PAK2: variants seen among roughly 807,000 people sequenced by gnomAD.
PAK2 encodes serine/threonine-protein kinase PAK 2.
A neutral mutation model predicts 65.9 loss-of-function variants in PAK2; 21 were observed. That is an observed-to-expected ratio of 0.32 (90% confidence interval 0.23 to 0.46). The LOEUF is 0.46. PAK2 is among the 20% of genes least tolerant of loss of function. The pLI is 1.00. For synonymous variants in PAK2, 204 were observed against 219.7 expected, an observed-to-expected ratio of 0.93 and a Z score of 0.63; for missense variants, 324 against 642.6, an observed-to-expected ratio of 0.50 and a Z score of 5.36.
chr3:196,792,468 C>G (rs1715103941), intron 2 of PAK2, among the ~76,000 whole-genome samples: 1 of 152,172 alleles, frequency 6.6e-6, no homozygotes, highest in Non-Finnish European at 1.5e-5. Flanking sequence ...TCCCTCTGCT[C>G]CTGTCCATAA....
intron 1 of PAK2, among the ~76,000 whole-genome samples, chr3:196,750,858 C>CT (rs1466533679): frequency 6.6e-5 from 10 of 150,912 alleles, no homozygotes; most frequent in African/African-American, 2.4e-4. Context: ...TTAATTGTTG[C>CT]TTTTTTTAAT....
At chr3:196,742,992 G>A (rs1713258038) in intron 1 of PAK2, among the ~76,000 whole-genome samples, 3 of 152,308 alleles carry the variant, frequency 2.0e-5, no homozygotes, top group South Asian at 4.1e-4. Flanking sequence ...CATCAGTTTG[G>A]TATAAGAGTT....
At chr3:196,762,559 G>GCT (rs1714016533) in intron 1 of PAK2, among the ~76,000 whole-genome samples, 1 of 150,330 alleles carries the variant, frequency 6.7e-6, no homozygotes, top group Non-Finnish European at 1.5e-5. Context: ...GGCGGCGCAT[G>GCT]CCTGCAATCG....
At chr3:196,787,552 C>A (rs1352024826) in intron 2 of PAK2, among the ~76,000 whole-genome samples, 1 of 149,300 alleles carries the variant, frequency 6.7e-6, no homozygotes, top group Non-Finnish European at 1.5e-5. Flanking sequence ...GCACTCCAGC[C>A]TGGGCGACAG....
At position 196,817,841 on chromosome 3, in the gene PAK2, A is replaced by T. The variant is rs564494332; in HGVS notation, c.1054-216A>T. 8.5e-4 allele frequency among the ~76,000 whole-genome samples: 130 copies of T among 152,246 alleles called. 1 individual carries two copies. Among genetic ancestry groups the T allele is most frequent in the African/African-American group, 3.1e-3 (127 of 41,550 alleles). On this transcript the variant is annotated intron_variant, in intron 11 of 14. Transcript: ENST00000327134. ...GTAGGAGCGGATCTACTGACTTTTT[A>T]AAAAATTTTATTTTCTTATATAAAA...
At chr3:196,799,496 AG>A (rs11328370) in intron 2 of PAK2, among the ~76,000 whole-genome samples, 2,347 of 152,148 alleles carry the variant, frequency 0.015, 64 homozygotes, top group African/African-American at 0.053. Flanking sequence ...TGTGGATGCG[AG>A]TTGCTTATAA....
intron 1 of PAK2, among the ~76,000 whole-genome samples, chr3:196,759,270 T>C (rs1395555224): frequency 6.6e-6 from 1 of 152,144 alleles, no homozygotes; most frequent in Non-Finnish European, 1.5e-5. Context: ...CTTTTTGCAT[T>C]GCCCTGGGAG....
chr3:196,812,074 G>T (rs2108765677), intron 8 of PAK2, 145 bp from the exon 9 acceptor site: 1 of 529,662 alleles, frequency 1.9e-6, no homozygotes, highest in Admixed American at 3.2e-5. Flanking sequence ...CCTTTCCTCA[G>T]GTTTTTGCTT....
chr3:196,801,102 A>C (rs1715410827), intron 2 of PAK2, among the ~76,000 whole-genome samples: 1 of 152,232 alleles, frequency 6.6e-6, no homozygotes. Context: ...TGTGGCAATT[A>C]GTAACTCCAC....
At chr3:196,777,450 G>C (rs1352800271) in intron 1 of PAK2, among the ~76,000 whole-genome samples, 1 of 152,176 alleles carries the variant, frequency 6.6e-6, no homozygotes, top group Non-Finnish European at 1.5e-5. Context: ...GTAATCCCCC[G>C]ACCTTGGCCT....
chr3:196,765,716 TTAAA>T (rs1714142104), intron 1 of PAK2, among the ~76,000 whole-genome samples: 1 of 152,186 alleles, frequency 6.6e-6, no homozygotes, highest in Non-Finnish European at 1.5e-5. Context: ...ATATTGGTGG[TTAAA>T]TAAAGGGACT....
intron 1 of PAK2, among the ~76,000 whole-genome samples, chr3:196,757,138 T>G (rs1322032430): frequency 6.6e-6 from 1 of 151,798 alleles, no homozygotes; most frequent in Non-Finnish European, 1.5e-5. Flanking sequence ...GCAGGCTGAG[T>G]AGTTTAGTGG....
chr3:196,798,138 C>G (rs1715313899), intron 2 of PAK2, among the ~76,000 whole-genome samples: 1 of 152,030 alleles, frequency 6.6e-6, no homozygotes, highest in Non-Finnish European at 1.5e-5. Flanking sequence ...GGGGAAAAAG[C>G]AGCAGAGAAA....
chr3:196,806,607 C>T lies in PAK2; in HGVS notation c.497C>T (p.Ala166Val). Residue 166 changes from alanine (A) to valine (V), a missense_variant, in exon 6 of 15, where the codon GCA (alanine) becomes GTA (valine). This residue lies in a region of PAK2 where 183 missense variants were observed against 246.2 expected (regional missense o/e 0.74). Coordinates refer to ENST00000327134, the MANE Select transcript of PAK2 (RefSeq NM_002577.4). Reference sequence around the variant, plus strand: ...AATGCCAAGGGAACAGAAGCACCCGCAGTAGTGACAGAGGAGGAGGATGAT... The same window carrying T: ...AATGCCAAGGGAACAGAAGCACCCGTAGTAGTGACAGAGGAGGAGGATGAT... ...ALNAKGTEAP[A>V]VVTEEEDDDE... 1 of 1,612,582 alleles carries T rather than the reference C, an allele frequency of 6.2e-7. No individual in the cohort carries two copies. Among genetic ancestry groups the T allele is most frequent in the Non-Finnish European group, 8.5e-7 (1 of 1,178,684 alleles).
intron 2 of PAK2, among the ~76,000 whole-genome samples, chr3:196,792,035 C>G (rs1436347050): frequency 6.6e-6 from 1 of 152,146 alleles, no homozygotes; most frequent in African/African-American, 2.4e-5. Flanking sequence ...CAGGTGGCTG[C>G]CCCTGCACCA....
intron 1 of PAK2, among the ~76,000 whole-genome samples, chr3:196,770,509 C>T (rs1162172034): frequency 1.3e-5 from 2 of 151,850 alleles, no homozygotes; most frequent in Non-Finnish European, 2.9e-5. Flanking sequence ...GTGCTCCAGC[C>T]TGGGCAACAC....
intron 5 of PAK2, among the ~76,000 whole-genome samples, chr3:196,806,178 TG>T (rs1715579287): frequency 1.3e-5 from 2 of 152,086 alleles, no homozygotes; most frequent in Non-Finnish European, 2.9e-5. Context: ...CCCAAAGTGC[TG>T]GGATTACAGA....
intron 1 of PAK2, among the ~76,000 whole-genome samples, chr3:196,780,944 A>C (rs1714686897): frequency 6.6e-6 from 1 of 152,000 alleles, no homozygotes; most frequent in Non-Finnish European, 1.5e-5. Flanking sequence ...GCCTGCCACC[A>C]CACCTGGCTA....
chr3:196,821,231 G>A (rs1296109342), intron 13 of PAK2, among the ~76,000 whole-genome samples: 1 of 151,998 alleles, frequency 6.6e-6, no homozygotes, highest in African/African-American at 2.4e-5. Context: ...AGAGGCTGAG[G>A]CAAGAGAATT....
Sources: allele counts gnomAD v4.1 joint callset (sites outside exome capture counted in the v4.1 genomes callset), GRCh38; gene constraint gnomAD v4.1.1; regional missense constraint gnomAD v4.1.1; transcripts MANE v1.5; gene names NCBI Gene and HGNC (gene_info 2026-07-23, HGNC 2026-07-21).